Variants in SNX4 observed in about 807,000 individuals in gnomAD.
SNX4 encodes the protein sorting nexin 4.
In SNX4, 49 loss-of-function variants were observed where a neutral mutation model predicts 70.8. The ratio of observed to expected loss-of-function variants is 0.69; its 90% CI spans 0.55 to 0.88. The LOEUF (loss-of-function observed/expected upper bound fraction) is 0.88, where lower values mean the gene tolerates loss of function less well. Among genes scored for constraint, SNX4 ranks in the 40% least tolerant of loss-of-function variants. SNX4 has a pLI of 0.00. For missense variants in SNX4, 528 were observed against 544.8 expected (o/e 0.97, Z 0.31); for synonymous variants, 206 against 183.8 (o/e 1.12, Z -0.98).
intron 5 of SNX4, among the ~76,000 whole-genome samples, chr3:125,492,533 A>T (rs1934685544): frequency 6.6e-6 from 1 of 152,110 alleles, no homozygotes; most frequent in African/African-American, 2.4e-5. Flanking sequence ...CCATTTGGAT[A>T]ATAAACTTTA....
chr3:125,506,052 C>T (rs1482710511), intron 1 of SNX4, among the ~76,000 whole-genome samples: 4 of 152,126 alleles, frequency 2.6e-5, no homozygotes, highest in Non-Finnish European at 5.9e-5. Flanking sequence ...TAAGTTTACA[C>T]CTCTCTCAGG....
intron 10 of SNX4, among the ~76,000 whole-genome samples, chr3:125,459,184 A>G (rs1933811227): frequency 6.6e-6 from 1 of 152,130 alleles, no homozygotes; most frequent in Non-Finnish European, 1.5e-5. Flanking sequence ...AAAAAAATAA[A>G]AAAAACAAAA....
In SNX4 at chr3:125,447,726, C is replaced by T; in HGVS notation, c.*53G>A. 7.7e-7 allele frequency: 1 copy of T among 1,292,396 alleles called. No individual in the cohort carries two copies. 80.1% of individuals were successfully genotyped at this position (1,292,396 alleles called of 1,614,324 possible). A position where few individuals can be genotyped will look rare whatever the true frequency, so the allele number is the denominator to read the frequency against. ...TAGTGACTTAAATTTCTTTTATTTA[C>T]TTGTGCTTCTGTTTTGGGGCACTTT... On this transcript the variant is annotated 3_prime_UTR_variant, in exon 14 of 14. Coordinates refer to ENST00000251775, the MANE Select transcript of SNX4 (RefSeq NM_003794.4).
chr3:125,483,836 G>A (rs1934467022), intron 6 of SNX4, among the ~76,000 whole-genome samples: 2 of 152,146 alleles, frequency 1.3e-5, no homozygotes, highest in South Asian at 4.1e-4. Context: ...AGAAATAAAG[G>A]AATGAATTTT....
chr3:125,512,176 G>A (rs1310322988), intron 1 of SNX4, among the ~76,000 whole-genome samples: 1 of 152,162 alleles, frequency 6.6e-6, no homozygotes, highest in East Asian at 1.9e-4. Context: ...CATCAGGGTT[G>A]GTTATGAAGC....
At chr3:125,467,040 G>T (rs1175291755) in intron 9 of SNX4, among the ~76,000 whole-genome samples, 1 of 145,276 alleles carries the variant, frequency 6.9e-6, no homozygotes, top group Non-Finnish European at 1.5e-5. Flanking sequence ...CTGAGATGGT[G>T]CCACTGCATT....
intron 12 of SNX4, among the ~76,000 whole-genome samples, chr3:125,452,255 C>T (rs1048519299): frequency 1.7e-4 from 26 of 152,042 alleles, no homozygotes; most frequent in Admixed American, 1.5e-3. Context: ...CCACTGCACT[C>T]GGCTAATTTT....
intron 1 of SNX4, among the ~76,000 whole-genome samples, chr3:125,506,489 TGCC>T (rs1335222688): frequency 6.7e-6 from 1 of 150,350 alleles, no homozygotes; most frequent in African/African-American, 2.5e-5. Context: ...TACAGGCTTG[TGCC>T]ACCATACCAG....
intron 11 of SNX4, among the ~76,000 whole-genome samples, chr3:125,455,232 G>T (rs972734511): frequency 6.6e-6 from 1 of 152,264 alleles, no homozygotes; most frequent in African/African-American, 2.4e-5. Flanking sequence ...ACCATACCCG[G>T]CTTGAATTTC....
At chr3:125,467,968 T>C (rs1459987696) in intron 9 of SNX4, among the ~76,000 whole-genome samples, 3 of 152,108 alleles carry the variant, frequency 2.0e-5, no homozygotes, top group Admixed American at 1.3e-4. Flanking sequence ...GTATTCACAA[T>C]AGCGAAGACA....
chr3:125,506,817 T>TGAAAAAAAAAAAAAAAGAAAAAAAA (rs199752160), intron 1 of SNX4, among the ~76,000 whole-genome samples: 1 of 26,820 alleles, frequency 3.7e-5, no homozygotes, highest in African/African-American at 9.7e-5. Flanking sequence ...GTGGAGAAAG[T>TGAAAAAAAAAAAAAAAGAAAAAAAA]AAAAAAAAAA....
intron 13 of SNX4, among the ~76,000 whole-genome samples, chr3:125,448,045 G>T (rs928769385): frequency 1.3e-5 from 2 of 151,714 alleles, no homozygotes; most frequent in Non-Finnish European, 2.9e-5. Flanking sequence ...AATGGAAAAA[G>T]AACTCCTACA....
At chr3:125,495,277 T>TATATACATATACATACAC in intron 5 of SNX4, among the ~76,000 whole-genome samples, 1 of 99,618 alleles carries the variant, frequency 1.0e-5, no homozygotes, top group Non-Finnish European at 2.0e-5. Flanking sequence ...TATATATATA[T>TATATACATATACATACAC]ACACATACAC....
At chr3:125,516,794 T>C (rs1935292927) in intron 1 of SNX4, among the ~76,000 whole-genome samples, 1 of 152,184 alleles carries the variant, frequency 6.6e-6, no homozygotes, top group African/African-American at 2.4e-5. Context: ...TGAGCCAGGA[T>C]CCTGCTACTG....
chr3:125,500,730 G>A (rs1013566143), intron 2 of SNX4, among the ~76,000 whole-genome samples: 2 of 149,950 alleles, frequency 1.3e-5, no homozygotes, highest in Non-Finnish European at 3.0e-5. Flanking sequence ...ACCCCAGAGG[G>A]TGGAGGTTGC....
At chr3:125,486,495 G>C (rs769833511) in intron 6 of SNX4, among the ~76,000 whole-genome samples, 1 of 151,978 alleles carries the variant, frequency 6.6e-6, no homozygotes, top group African/African-American at 2.4e-5. Flanking sequence ...GCGTGGTGGC[G>C]GGTGCCTATA....
intron 10 of SNX4, among the ~76,000 whole-genome samples, chr3:125,459,741 T>C (rs1933827339): frequency 6.6e-6 from 1 of 152,156 alleles, no homozygotes; most frequent in East Asian, 1.9e-4. Flanking sequence ...CCTAGCCAAC[T>C]TTCTTTTGCT....
chr3:125,482,774 T>C (rs1934443438), intron 6 of SNX4, among the ~76,000 whole-genome samples: 1 of 152,024 alleles, frequency 6.6e-6, no homozygotes, highest in Non-Finnish European at 1.5e-5. Context: ...GTTGAGGACA[T>C]CAAATCACTA....
At chr3:125,449,318 T>C (rs1933513555) in intron 13 of SNX4, 1 of 151,360 alleles carries the variant, frequency 6.6e-6, no homozygotes. Context: ...TCTACTCGGC[T>C]GGATGAGGTA....
Sources: gnomAD v4.1 joint callset for allele counts (sites outside exome capture counted in the v4.1 genomes callset) on GRCh38, gnomAD v4.1.1 for gene constraint, MANE v1.5 for transcripts, NCBI Gene and HGNC (gene_info 2026-07-23, HGNC 2026-07-21) for gene names.